GPAT3: variants seen among roughly 807,000 people sequenced by gnomAD.
GPAT3 encodes the protein glycerol-3-phosphate acyltransferase 3.
In GPAT3, 53 loss-of-function variants were observed where a neutral mutation model predicts 58.8. The observed-to-expected ratio is 0.90, with a 90% confidence interval of 0.72 to 1.13. The LOEUF (loss-of-function observed/expected upper bound fraction) is 1.13. Ranked by LOEUF, GPAT3 falls within the 50% of genes most tolerant of loss-of-function variation. GPAT3 has a pLI of 0.00. For missense variants in GPAT3, 511 were observed against 527.6 expected (o/e 0.97, Z 0.31); for synonymous variants, 197 against 187.4 (o/e 1.05, Z -0.42).
chr4:83,582,511 T>C (rs1726182868), intron 3 of GPAT3, among the ~76,000 whole-genome samples: 1 of 152,180 alleles, frequency 6.6e-6, no homozygotes, highest in South Asian at 2.1e-4. Flanking sequence ...GAGATCTGAT[T>C]AGCGTGGTGG....
chr4:83,572,214 TTC>T (rs1260502821), intron 2 of GPAT3, among the ~76,000 whole-genome samples: 2 of 152,198 alleles, frequency 1.3e-5, no homozygotes, highest in Admixed American at 1.3e-4. Context: ...CTCAACCCTT[TTC>T]TCTCCCTTTC....
chr4:83,536,018 G>A, upstream of GPAT3: 2 of 985,472 alleles, frequency 2.0e-6, no homozygotes, highest in Non-Finnish European at 1.2e-6. Context: ...CCTGGGCTAA[G>A]TACTGCCAGG....
rs1231552834 is a variant in GPAT3, at chr4:83,565,906, A to T, written c.209-15656A>T. Among the ~76,000 whole-genome samples the T allele has an allele frequency of 3.9e-5, 6 of 152,326 alleles. No individual in the cohort carries two copies. The South Asian group carries it at 1.2e-3, about 32-fold the overall frequency. ...GAAGAAAAGGATTCATCAGTGAAGG[A>T]GAACTCTGTGAGTTTCCTCGAGCAA... is the stretch of plus-strand genomic sequence containing the variant. On this transcript the variant is annotated intron_variant, in intron 2 of 11. Coordinates refer to ENST00000264409, the MANE Select transcript of GPAT3 (RefSeq NM_032717.5).
At chr4:83,541,586 G>A (rs1724306619) in intron 1 of GPAT3, among the ~76,000 whole-genome samples, 1 of 152,056 alleles carries the variant, frequency 6.6e-6, no homozygotes, top group African/African-American at 2.4e-5. Context: ...GACCTTTAGA[G>A]CTATCATTTC....
chr4:83,598,636 T>TTA lies in GPAT3; in HGVS notation c.1126-8_1126-7insTA. ...ATATTCTTGCAATTTTTTTTTTTTT[T>TTA]AAACCAGGAAGGAGAAGATGCAGTC... On this transcript the variant is annotated splice_region_variant and splice_polypyrimidine_tract_variant and intron_variant, in intron 10 of 11. Transcript: ENST00000264409. 1 of 1,590,958 alleles carries TTA rather than the reference T, an allele frequency of 6.3e-7. No homozygotes were observed. Among genetic ancestry groups the TTA allele is most frequent in the Non-Finnish European group, 8.6e-7 (1 of 1,168,104 alleles).
chr4:83,547,346 A>G (rs563828467), intron 2 of GPAT3, among the ~76,000 whole-genome samples: 1,990 of 136,432 alleles, frequency 0.015, 35 homozygotes, highest in African/African-American at 0.037. Context: ...TCCGCCTCCC[A>G]GATTCACGCC....
intron 2 of GPAT3, among the ~76,000 whole-genome samples, chr4:83,564,126 G>A (rs1033860271): frequency 6.6e-6 from 1 of 152,102 alleles, no homozygotes; most frequent in Non-Finnish European, 1.5e-5. Flanking sequence ...AGGCTAGTGG[G>A]GCTATGAGTT....
chr4:83,550,336 T>G (rs1389491578), intron 2 of GPAT3, among the ~76,000 whole-genome samples: 1 of 151,880 alleles, frequency 6.6e-6, no homozygotes, highest in African/African-American at 2.4e-5. Context: ...CCCAGCTGAG[T>G]TTTTCTTTAG....
intron 6 of GPAT3, among the ~76,000 whole-genome samples, chr4:83,592,317 T>C (rs997739198): frequency 6.6e-6 from 1 of 152,188 alleles, no homozygotes; most frequent in Admixed American, 6.5e-5. Flanking sequence ...AAAACTAAAG[T>C]TGACTGAATT....
intron 2 of GPAT3, among the ~76,000 whole-genome samples, chr4:83,562,145 G>A (rs1725147469): frequency 7.6e-6 from 1 of 130,738 alleles, no homozygotes; most frequent in African/African-American, 3.1e-5. Flanking sequence ...GAGATATTAG[G>A]CACCCAATAA....
chr4:83,546,735 G>A (rs141339461), intron 2 of GPAT3, among the ~76,000 whole-genome samples: 201 of 152,268 alleles, frequency 1.3e-3, no homozygotes, highest in Middle Eastern at 3.4e-3. Context: ...TGGGGAGATA[G>A]GCATTGGACA....
upstream of GPAT3, chr4:83,535,714 A>G: frequency 1.0e-6 from 1 of 985,310 alleles, no homozygotes; most frequent in Non-Finnish European, 1.2e-6. Flanking sequence ...AGCAAGATTG[A>G]GCCCCACAGC....
intron 2 of GPAT3, 25 bp downstream of exon 2, chr4:83,544,627 T>A: frequency 6.2e-7 from 1 of 1,610,304 alleles, no homozygotes; most frequent in Non-Finnish European, 8.5e-7. Flanking sequence ...TCATTATGAT[T>A]GTTACCATAT....
At chr4:83,583,705 G>A (rs1726256473) in intron 3 of GPAT3, among the ~76,000 whole-genome samples, 1 of 134,694 alleles carries the variant, frequency 7.4e-6, no homozygotes, top group African/African-American at 3.0e-5. Flanking sequence ...AAATGAAGCT[G>A]GGCCGGGCAT....
At position 83,562,795 on chromosome 4, in the gene GPAT3, T is replaced by TATAGATAGATAGATAG. The variant is rs59104462; in HGVS notation, c.208+18203_208+18218dup. On this transcript the variant is annotated intron_variant, in intron 2 of 11. Coordinates refer to ENST00000264409, the MANE Select transcript of GPAT3 (RefSeq NM_032717.5). ...GGAAACAGAGAGAGATAGAAAGAGA[T>TATAGATAGATAGATAG]ATAGATAGATAGATAGATAGATAGA... is the stretch of plus-strand genomic sequence containing the variant. 5.4e-3 allele frequency among the ~76,000 whole-genome samples: 807 copies of TATAGATAGATAGATAG among 150,618 alleles called. 6 individuals are homozygous for TATAGATAGATAGATAG. Among genetic ancestry groups the TATAGATAGATAGATAG allele is most frequent in the African/African-American group, 0.017 (691 of 40,802 alleles).
At chr4:83,545,408 T>G (rs1690620656) in intron 2 of GPAT3, among the ~76,000 whole-genome samples, 1 of 151,060 alleles carries the variant, frequency 6.6e-6, no homozygotes, top group African/African-American at 2.4e-5. Flanking sequence ...ATCATGCCAC[T>G]GCACTCTGGC....
At position 83,536,589 on chromosome 4, in the gene GPAT3, A is replaced by G. The variant is rs557047790; in HGVS notation, c.-34A>G. On this transcript the variant is annotated 5_prime_UTR_variant, in exon 1 of 12. Transcript: ENST00000264409. ...GGACTGCTGTGGCGCTCGGCCCTCCACTGCGGACCTCTCCTGAGTGGGTGC... is the reference window on the plus strand; with the variant it reads ...GGACTGCTGTGGCGCTCGGCCCTCCGCTGCGGACCTCTCCTGAGTGGGTGC... 1.3e-5 allele frequency: 21 copies of G among 1,603,188 alleles called. 1 individual carries two copies. In the African/African-American group the frequency reaches 2.4e-4, roughly 18 times the overall value.
chr4:83,546,045 C>G (rs111567637), intron 2 of GPAT3, among the ~76,000 whole-genome samples: 1 of 152,090 alleles, frequency 6.6e-6, no homozygotes, highest in Non-Finnish European at 1.5e-5. Context: ...AGTGCGGTGG[C>G]GAGATGTCGG....
chr4:83,541,525 T>G lies in GPAT3; in HGVS notation c.142-3011T>G, dbSNP rs185755942. On this transcript the variant is annotated intron_variant, in intron 1 of 11. Coordinates refer to ENST00000264409, the MANE Select transcript of GPAT3 (RefSeq NM_032717.5). ...GTGATTATAGGCATGAGCCACAGTG[T>G]CTGGCCTAAAATTTGCTTATCTTAA... Among the ~76,000 whole-genome samples the G allele has an allele frequency of 2.5e-3, 374 of 151,874 alleles. 2 individuals are homozygous for G. The highest frequency in any genetic ancestry group is 8.6e-3 in the African/African-American group (355 of 41,410).
Sources: allele counts gnomAD v4.1 joint callset (sites outside exome capture counted in the v4.1 genomes callset), GRCh38; gene constraint gnomAD v4.1.1; transcripts MANE v1.5; gene names NCBI Gene and HGNC (gene_info 2026-07-23, HGNC 2026-07-21).